SCN9A: variants seen among roughly 807,000 people sequenced by gnomAD.
The protein encoded by SCN9A is sodium voltage-gated channel alpha subunit 9.
In SCN9A, 131 loss-of-function variants were observed where a neutral mutation model predicts 187.0. The ratio of observed to expected loss-of-function variants is 0.70; its 90% CI spans 0.61 to 0.81. SCN9A has a LOEUF of 0.81. SCN9A is among the 30% of genes least tolerant of loss of function. The probability of loss-of-function intolerance (pLI) is 0.00; values close to 1 mark genes in which losing one functional copy is unlikely to be tolerated. For missense variants in SCN9A, 2,252 were observed against 2,396.6 expected (o/e 0.94, Z 1.26); for synonymous variants, 809 against 808.6 (o/e 1.00, Z -0.01).
rs941406067 is a variant in SCN9A at position 166,277,450 on chromosome 2, C to A, written c.2518-111G>T. ...CAGACTTTAAGTCCTATAATATTGTCATTATTATCCAGCTAAAATATTCTT... is the reference window on the plus strand; with the variant it reads ...CAGACTTTAAGTCCTATAATATTGTAATTATTATCCAGCTAAAATATTCTT... On this transcript the variant is annotated intron_variant, in intron 15 of 26. Transcript: ENST00000642356. 6 of 628,482 alleles carry A rather than the reference C, an allele frequency of 9.5e-6. No individual in the cohort carries two copies. In the Admixed American group the frequency reaches 1.8e-4, roughly 19 times the overall value. 38.9% of individuals were successfully genotyped at this position (628,482 alleles called of 1,614,324 possible).
intron 17 of SCN9A, among the ~76,000 whole-genome samples, chr2:166,253,862 A>C (rs1276070633): frequency 6.6e-6 from 1 of 151,844 alleles, no homozygotes; most frequent in Non-Finnish European, 1.5e-5. Flanking sequence ...CAATATTAAC[A>C]ATAGGAAATA....
At chr2:166,224,486 T>C (rs1472853010) in intron 24 of SCN9A, among the ~76,000 whole-genome samples, 1 of 152,176 alleles carries the variant, frequency 6.6e-6, no homozygotes, top group Non-Finnish European at 1.5e-5. Flanking sequence ...TTATTCTCTT[T>C]TGTAATTCTA....
At chr2:166,374,744 T>G (rs1164018251) in intron 1 of SCN9A, among the ~76,000 whole-genome samples, 1 of 152,100 alleles carries the variant, frequency 6.6e-6, no homozygotes, top group Non-Finnish European at 1.5e-5. Flanking sequence ...TGAAAAGAAC[T>G]GAACTTCCCA....
intron 18 of SCN9A, among the ~76,000 whole-genome samples, chr2:166,248,874 T>G (rs1202310310): frequency 6.6e-6 from 1 of 152,038 alleles, no homozygotes; most frequent in African/African-American, 2.4e-5. Flanking sequence ...TTCGCTACGT[T>G]GGCCAGGCTG....
At chr2:166,208,184 CTG>C (rs1693908340) in intron 24 of SCN9A, among the ~76,000 whole-genome samples, 1 of 152,096 alleles carries the variant, frequency 6.6e-6, no homozygotes, top group Admixed American at 6.6e-5. Flanking sequence ...TAGTTTTTTT[CTG>C]TGTTACAATC....
chr2:166,320,941 C>T (rs556774205), intron 1 of SCN9A, among the ~76,000 whole-genome samples: 2 of 152,110 alleles, frequency 1.3e-5, no homozygotes, highest in African/African-American at 4.8e-5. Context: ...GATGCCAGGG[C>T]TTATCTAAGT....
At chr2:166,371,826 C>T (rs1021328977) in intron 1 of SCN9A, among the ~76,000 whole-genome samples, 25 of 152,212 alleles carry the variant, frequency 1.6e-4, no homozygotes, top group African/African-American at 5.3e-4. Context: ...AATATGTCCT[C>T]TTCAGAGCAA....
intron 17 of SCN9A, among the ~76,000 whole-genome samples, chr2:166,256,304 T>C (rs1360238444): frequency 1.3e-5 from 2 of 151,412 alleles, no homozygotes; most frequent in African/African-American, 4.8e-5. Flanking sequence ...CTTAACATGA[T>C]TTAGATTTCT....
chr2:166,261,480 C>T (rs1696501914), intron 17 of SCN9A, among the ~76,000 whole-genome samples: 1 of 151,880 alleles, frequency 6.6e-6, no homozygotes, highest in Non-Finnish European at 1.5e-5. Flanking sequence ...GTAGGTGGAA[C>T]AGTCACCTCT....
rs1182466996 is a variant in SCN9A, at chr2:166,293,309, G to T, written c.1029C>A (p.Ser343Arg). The T allele has an allele frequency of 6.2e-7, 1 of 1,606,388 alleles. No homozygotes were observed. Among genetic ancestry groups the T allele is most frequent in the Non-Finnish European group, 8.5e-7 (1 of 1,176,130 alleles). The change falls in exon 9 of 27, where the codon AGC becomes AGA. Residue 343 changes from serine to arginine, a missense_variant. Ser to Arg is a moderately radical substitution (Grantham distance 110). Coordinates refer to ENST00000642356, the MANE Select transcript of SCN9A (RefSeq NM_001365536.1). ...IGRNPDYGYT[S>R]FDTFSWAFLA... The stretch of plus-strand genomic sequence containing the variant: ...AGAAGGCCCAGCTGAAAGTGTCAAA[G>T]CTCGTGTAGCCATAATCAGGGTTTC...
chr2:166,354,797 T>G (rs944973002), intron 1 of SCN9A, among the ~76,000 whole-genome samples: 1 of 152,168 alleles, frequency 6.6e-6, no homozygotes, highest in Non-Finnish European at 1.5e-5. Flanking sequence ...CCAAGACACA[T>G]TTATTTGCAG....
At chr2:166,360,464 G>A (rs1472434641) in intron 1 of SCN9A, among the ~76,000 whole-genome samples, 2 of 152,042 alleles carry the variant, frequency 1.3e-5, no homozygotes, top group Non-Finnish European at 2.9e-5. Flanking sequence ...AATTATCACA[G>A]ACTTATGGCT....
intron 21 of SCN9A, among the ~76,000 whole-genome samples, chr2:166,232,389 T>C (rs1000133599): frequency 1.3e-5 from 2 of 152,206 alleles, no homozygotes; most frequent in African/African-American, 4.8e-5. Context: ...TAGTTATAAT[T>C]CCACTTACTT....
intron 13 of SCN9A, 39 bp downstream of exon 13, chr2:166,281,640 A>G: frequency 6.3e-7 from 1 of 1,576,572 alleles, no homozygotes; most frequent in Non-Finnish European, 8.6e-7. Context: ...TGTTAATTTT[A>G]TTTAAGAATC....
Position 166,199,060 on chromosome 2 carries a change from C to T in SCN9A, c.5579G>A (p.Arg1860His), listed in dbSNP as rs766124857. 16 of 1,614,046 alleles carry T rather than the reference C, an allele frequency of 9.9e-6. No individual in the cohort carries two copies. The Admixed American group carries it at 1.7e-4, about 17-fold the overall frequency. ...CATGAACCTTTCTTCCATCTGTGAA[C>T]GAAGAGAATCCATCTCCCCACTCTC... ...LGESGEMDSL[R>H]SQMEERFMSA... Residue 1860 changes from arginine to histidine, a missense_variant, in exon 27 of 27, where the codon CGT (arginine) becomes CAT (histidine). Physicochemically the swap from Arg to His is conservative, Grantham distance 29. Transcript: ENST00000642356.
intron 1 of SCN9A, among the ~76,000 whole-genome samples, chr2:166,363,534 G>T (rs572892333): frequency 6.6e-6 from 1 of 151,996 alleles, no homozygotes; most frequent in South Asian, 2.1e-4. Context: ...TGGTATAAAA[G>T]AAAAAACAGA....
rs750269576 is a variant in SCN9A, at chr2:166,242,591, T to C, written c.3538A>G (p.Asn1180Asp). 24 of 1,562,992 alleles carry C rather than the reference T, an allele frequency of 1.5e-5. No individual in the cohort carries two copies. The African/African-American group carries it at 2.7e-4, about 18-fold the overall frequency. ...ATCTTGTAGCAGGTTTTCCTGATGT[T>C]CCACCAGATTTTTCCTTTCCCTGAC... ...IESGKGKIWW[N>D]IRKTCYKIVE... The change falls in exon 19 of 27, where the codon AAC (asparagine) becomes GAC (aspartate). Residue 1180 changes from asparagine to aspartate, a missense_variant. Around this residue, in one of 7 missense-constraint regions of SCN9A, gnomAD observed 313 missense variants for 295.3 expected, o/e 1.06. Coordinates refer to ENST00000642356, the MANE Select transcript of SCN9A (RefSeq NM_001365536.1).
chr2:166,336,775 G>A (rs930148810), intron 1 of SCN9A, among the ~76,000 whole-genome samples: 1 of 152,158 alleles, frequency 6.6e-6, no homozygotes, highest in Admixed American at 6.6e-5. Context: ...TCATTCCAGT[G>A]TCATCCAGTG....
intron 1 of SCN9A, among the ~76,000 whole-genome samples, chr2:166,328,146 ATAT>A (rs1411986532): frequency 2.6e-5 from 4 of 152,144 alleles, no homozygotes; most frequent in African/African-American, 9.7e-5. Context: ...GAGAGTGAAA[ATAT>A]TATTCTAGAG....
Sources: gnomAD v4.1 joint callset for allele counts (sites outside exome capture counted in the v4.1 genomes callset) on GRCh38, gnomAD v4.1.1 for gene constraint, gnomAD v4.1.1 regional missense constraint, MANE v1.5 for transcripts, NCBI Gene and HGNC (gene_info 2026-07-23, HGNC 2026-07-21) for gene names.